The following VPS13A variants were observed in gnomAD, a reference collection of about 807,000 sequenced individuals.
VPS13A encodes the protein vacuolar protein sorting 13 homolog A.
VPS13A carries 264 observed loss-of-function variants against 390.9 expected under a neutral mutation model. That is an observed-to-expected ratio of 0.68 (90% CI 0.61 to 0.75). The LOEUF (loss-of-function observed/expected upper bound fraction) is 0.75, where lower values mean the gene tolerates loss of function less well. Among genes scored for constraint, VPS13A ranks in the 30% least tolerant of loss-of-function variants. VPS13A has a pLI of 0.00. For missense variants in VPS13A, 3,409 were observed against 3,733.9 expected (o/e 0.91, Z 2.27); for synonymous variants, 1,231 against 1,227.1 (o/e 1.00, Z -0.07).
Position 77,238,036 on chromosome 9 carries a change from G to A in VPS13A, c.1630G>A (p.Gly544Ser). Residue 544 changes from glycine to serine, a missense_variant, in exon 18 of 72, where the codon GGC becomes AGC. Around this residue, in one of 5 missense-constraint regions of VPS13A, gnomAD observed 2,717 missense variants for 2,917.4 expected, o/e 0.93. Coordinates refer to ENST00000360280, the MANE Select transcript of VPS13A (RefSeq NM_033305.3). ...TAAAATAGATTCATTTCATATTACT[G>A]GCTTACCAGATAATTCAGAAAAACC... is the stretch of plus-strand genomic sequence containing the variant. ...ETKIDSFHIT[G>S]LPDNSEKPRL... 1 of 1,609,814 alleles carries A rather than the reference G, an allele frequency of 6.2e-7. No homozygotes were observed. Among genetic ancestry groups the A allele is most frequent in the Non-Finnish European group, 8.5e-7 (1 of 1,178,388 alleles).
rs77540375 is a variant in VPS13A, at chr9:77,371,382, C to T, written c.9077+233C>T. ...GCAACATCTGGCTAGGGCCTTTTTG[C>T]GGTGTCATCCCATGGCAGAAGGACA... is the stretch of plus-strand genomic sequence containing the variant. On this transcript the variant is annotated intron_variant, in intron 67 of 71. Transcript: ENST00000360280. 0.048 allele frequency among the ~76,000 whole-genome samples: 7,297 copies of T among 152,026 alleles called. 465 individuals are homozygous for T. Among genetic ancestry groups the T allele is most frequent in the East Asian group, 0.21 (1,081 of 5,152 alleles).
chr9:77,298,762 C>T (rs1042535400), intron 33 of VPS13A, among the ~76,000 whole-genome samples: 3 of 152,132 alleles, frequency 2.0e-5, no homozygotes, highest in East Asian at 3.9e-4. Context: ...TGGGAGGGAC[C>T]TGGTGGGAGA....
intron 69 of VPS13A, 96 bp from the exon 70 acceptor site, chr9:77,405,768 T>G (rs534294623): frequency 6.8e-7 from 1 of 1,474,762 alleles, no homozygotes; most frequent in Admixed American, 1.7e-5. Flanking sequence ...TTGATGAATA[T>G]TGCATTTGCA....
intron 33 of VPS13A, among the ~76,000 whole-genome samples, chr9:77,301,073 A>G (rs1828319694): frequency 6.6e-6 from 1 of 152,202 alleles, no homozygotes; most frequent in Admixed American, 6.5e-5. Flanking sequence ...TTTTATCCAT[A>G]TATTGGGTAG....
At position 77,308,110 on chromosome 9, in the gene VPS13A, A is replaced by G. The variant is rs747952453; in HGVS notation, c.4114+12A>G. The G allele has an allele frequency of 1.2e-6, 2 of 1,613,528 alleles. No individual in the cohort carries two copies. Among genetic ancestry groups the G allele is most frequent in the Middle Eastern group, 1.7e-4 (1 of 6,058 alleles). On this transcript the variant is annotated intron_variant, in intron 35 of 71. Coordinates refer to ENST00000360280, the MANE Select transcript of VPS13A (RefSeq NM_033305.3). ...ACACCATTCAGGAGGTATGTTTTTA[A>G]CTTCAAATTTCTTTCTGCTTTCCTC...
At chr9:77,317,249 T>C (rs1829451476) in intron 39 of VPS13A, among the ~76,000 whole-genome samples, 1 of 152,042 alleles carries the variant, frequency 6.6e-6, no homozygotes, top group South Asian at 2.1e-4. Flanking sequence ...ATACCAATTC[T>C]CTCTTAGTTT....
At chr9:77,296,146 A>G (rs894720439) in intron 33 of VPS13A, among the ~76,000 whole-genome samples, 6 of 152,252 alleles carry the variant, frequency 3.9e-5, no homozygotes, top group African/African-American at 1.4e-4. Context: ...GGCTATGGAA[A>G]AAATGAGGAA....
chr9:77,351,423 C>T lies in VPS13A; in HGVS notation c.7396C>T (p.His2466Tyr). 3 of 1,613,640 alleles carry T rather than the reference C, an allele frequency of 1.9e-6. No individual in the cohort carries two copies. Among genetic ancestry groups the T allele is most frequent in the Non-Finnish European group, 2.5e-6 (3 of 1,179,714 alleles). ...GCTGAAGTGGAGATGTAGAAAAAGC[C>T]ATGGTGAAGTAACACAGAAGGATGT... Reference protein sequence around the residue: ...RRLKWRCRKSHGEVTQKDDMM... With the variant: ...RRLKWRCRKSYGEVTQKDDMM... Residue 2466 changes from histidine to tyrosine, a missense_variant, in exon 53 of 72, where the codon CAT becomes TAT. Around this residue, in one of 5 missense-constraint regions of VPS13A, gnomAD observed 2,717 missense variants for 2,917.4 expected, o/e 0.93. Transcript: ENST00000360280.
chr9:77,358,322 CATATTAAT>C (rs1171685881), intron 56 of VPS13A, 27 bp from the exon 57 acceptor site: 10 of 1,495,332 alleles, frequency 6.7e-6, no homozygotes, highest in Admixed American at 3.3e-5. Flanking sequence ...GTATAATTGA[CATATTAAT>C]ATACTGATGT....
Position 77,373,168 on chromosome 9 carries a change from G to A in VPS13A, c.9077+2019G>A, listed in dbSNP as rs1396576056. Among the ~76,000 whole-genome samples the A allele has an allele frequency of 5.3e-5, 8 of 151,116 alleles. No individual in the cohort carries two copies. The South Asian group carries it at 1.3e-3, about 24-fold the overall frequency. ...TTCATATGGAACCAAAAAAGAGCCCGCATCGCCAAGGCAATCCTAAGCCAA... is the reference window on the plus strand; with the variant it reads ...TTCATATGGAACCAAAAAAGAGCCCACATCGCCAAGGCAATCCTAAGCCAA... On this transcript the variant is annotated intron_variant, in intron 67 of 71. Transcript: ENST00000360280.
Position 77,225,940 on chromosome 9 carries a change from C to G in VPS13A, c.1176C>G (p.Thr392=), listed in dbSNP as rs2131193762. The change falls in exon 14 of 72, where the codon ACC becomes ACG. Residue 392 remains threonine (T), a synonymous_variant. Transcript: ENST00000360280. ...ATATTTTTCAGGAGTTGGAAAAAAC[C>G]TTGGATGTCTTTAATATAACTATAG... ...LLVSLEELEK[T]LDVFNITIAR... 1 of 1,611,478 alleles carries G rather than the reference C, an allele frequency of 6.2e-7. No homozygotes were observed. Among genetic ancestry groups the G allele is most frequent in the Non-Finnish European group, 8.5e-7 (1 of 1,178,838 alleles).
intron 71 of VPS13A, among the ~76,000 whole-genome samples, chr9:77,413,239 A>T (rs1835020785): frequency 6.6e-6 from 1 of 152,194 alleles, no homozygotes; most frequent in African/African-American, 2.4e-5. Context: ...GAATTGGAAA[A>T]AACTAAAGTT....
At chr9:77,282,757 G>A (rs891437663) in intron 29 of VPS13A, among the ~76,000 whole-genome samples, 5 of 151,998 alleles carry the variant, frequency 3.3e-5, no homozygotes, top group Non-Finnish European at 7.4e-5. Context: ...AAACTAGCCT[G>A]GGCAACATAG....
chr9:77,227,239 A>T (rs1823569562), intron 15 of VPS13A, 152 bp from the exon 16 acceptor site: 1 of 618,378 alleles, frequency 1.6e-6, no homozygotes, highest in Admixed American at 2.9e-5. Context: ...TTACTTGTAA[A>T]ATTGCCAGCC....
intron 46 of VPS13A, among the ~76,000 whole-genome samples, chr9:77,332,662 CTT>C (rs145042868): frequency 1.3e-5 from 2 of 151,950 alleles, no homozygotes; most frequent in East Asian, 3.9e-4. Context: ...ATGAGCTAGT[CTT>C]ATAGATTTTA....
chr9:77,376,543 G>T (rs888681765), intron 67 of VPS13A, among the ~76,000 whole-genome samples: 1 of 152,186 alleles, frequency 6.6e-6, no homozygotes, highest in Non-Finnish European at 1.5e-5. Flanking sequence ...TTGGATGCAG[G>T]ATATGAAAGA....
intron 67 of VPS13A, among the ~76,000 whole-genome samples, chr9:77,378,062 A>G (rs754578672): frequency 2.6e-5 from 4 of 152,016 alleles, no homozygotes; most frequent in Non-Finnish European, 4.4e-5. Context: ...ATTTGGTTTG[A>G]TAGTATTTTG....
intron 5 of VPS13A, among the ~76,000 whole-genome samples, chr9:77,208,020 A>T (rs1021800353): frequency 2.0e-5 from 3 of 152,190 alleles, no homozygotes; most frequent in African/African-American, 7.2e-5. Context: ...GAGCAAAGGG[A>T]TTTAAGGTGT....
chr9:77,366,944 ATG>A, intron 61 of VPS13A, 72 bp downstream of exon 61: 1 of 1,524,838 alleles, frequency 6.6e-7, no homozygotes, highest in Admixed American at 1.8e-5. Context: ...AATTTCGTAA[ATG>A]AAAAAGTGTG....
Sources: allele counts gnomAD v4.1 joint callset (sites outside exome capture counted in the v4.1 genomes callset), GRCh38; gene constraint gnomAD v4.1.1; regional missense constraint gnomAD v4.1.1; transcripts MANE v1.5; gene names NCBI Gene and HGNC (gene_info 2026-07-23, HGNC 2026-07-21).